The following LRRC7 variants were observed in gnomAD, a reference collection of about 807,000 sequenced individuals.
LRRC7 encodes the protein leucine rich repeat containing 7, also known as leucine-rich repeat-containing protein 7.
In LRRC7, 23 loss-of-function variants were observed where a neutral mutation model predicts 175.7. That is an observed-to-expected ratio of 0.13 (90% CI 0.09 to 0.19). LRRC7 has a LOEUF of 0.19. Among genes scored for constraint, LRRC7 ranks in the 10% least tolerant of loss-of-function variants. The probability of loss-of-function intolerance (pLI) is 1.00; values close to 1 mark genes in which losing one functional copy is unlikely to be tolerated. For missense variants in LRRC7, 1,354 were observed against 1,904.7 expected (o/e 0.71, Z 5.38); for synonymous variants, 685 against 680.9 (o/e 1.01, Z -0.09).
chr1:70,022,963 A>G (rs559313805), intron 16 of LRRC7, among the ~76,000 whole-genome samples, 163 bp from the exon 17 acceptor site: 53 of 152,192 alleles, frequency 3.5e-4, no homozygotes, highest in Non-Finnish European at 6.5e-4. Context: ...GCATCATATA[A>G]AATTAGTACT....
chr1:70,067,194 T>C (rs1044734209), intron 23 of LRRC7, among the ~76,000 whole-genome samples: 1 of 152,102 alleles, frequency 6.6e-6, no homozygotes, highest in Non-Finnish European at 1.5e-5. Flanking sequence ...CTATCCTCTA[T>C]CAGATACATG....
rs557843067 is a variant in LRRC7 at position 69,942,099 on chromosome 1, A to G, written c.711+10529A>G. Among the ~76,000 whole-genome samples the G allele has an allele frequency of 3.9e-5, 6 of 152,234 alleles. No individual in the cohort carries two copies. In the South Asian group the frequency reaches 1.2e-3, roughly 32 times the overall value. ...ATACATGCTCTGGCCCTGCACCTTC[A>G]TGTCCTGATGGTCAGGTGAGTGGGC... On this transcript the variant is annotated intron_variant, in intron 8 of 26. Coordinates refer to ENST00000651989, the MANE Select transcript of LRRC7 (RefSeq NM_001370785.2).
At chr1:69,579,187 G>A (rs920204336) in intron 1 of LRRC7, among the ~76,000 whole-genome samples, 1 of 151,922 alleles carries the variant, frequency 6.6e-6, no homozygotes, top group South Asian at 2.1e-4. Flanking sequence ...ATATTAAAAA[G>A]GGAGGTAACA....
At chr1:69,865,643 A>G (rs1010726678) in intron 7 of LRRC7, among the ~76,000 whole-genome samples, 2 of 150,572 alleles carry the variant, frequency 1.3e-5, no homozygotes, top group South Asian at 2.1e-4. Flanking sequence ...ACCATGCCCA[A>G]CTAATTTTTT....
rs1332026554 is a variant in LRRC7, at chr1:69,838,410, C to T, written c.647+127C>T. Reference sequence around the variant, plus strand: ...TTTATCTACACATTTTTCCTAAAGGCCAAAAAGTATGGTATACTGTAAAAG... The same window carrying T: ...TTTATCTACACATTTTTCCTAAAGGTCAAAAAGTATGGTATACTGTAAAAG... On this transcript the variant is annotated intron_variant, in intron 7 of 26. Coordinates refer to ENST00000651989, the MANE Select transcript of LRRC7 (RefSeq NM_001370785.2). 15 of 699,070 alleles carry T rather than the reference C, an allele frequency of 2.1e-5. No homozygotes were observed. In the East Asian group the frequency reaches 4.4e-4, roughly 20 times the overall value. The allele number at this position is 699,070 out of a possible 1,614,324, so 43.3% of individuals were successfully genotyped here. A position where few individuals can be genotyped will look rare whatever the true frequency, so the allele number is the denominator to read the frequency against.
chr1:70,078,230 T>G (rs632517), intron 24 of LRRC7, among the ~76,000 whole-genome samples: 139,300 of 152,188 alleles, frequency 0.92, 63,980 homozygotes, highest in African/African-American at 0.98. Context: ...AAAAGACTTT[T>G]GAGTGAAAGA....
chr1:69,933,084 T>C lies in LRRC7; in HGVS notation c.711+1514T>C, dbSNP rs952559893. The stretch of plus-strand genomic sequence containing the variant: ...ATGAGCAGTCCATCCCCAGTTTGTG[T>C]TGTGATGGGCCCTCACCAGCCATGA... On this transcript the variant is annotated intron_variant, in intron 8 of 26. Transcript: ENST00000651989. Among the ~76,000 whole-genome samples, 17 of 152,346 alleles carry C rather than the reference T, an allele frequency of 1.1e-4. No homozygotes were observed. In the East Asian group the frequency reaches 3.3e-3, roughly 29 times the overall value.
At position 69,934,579 on chromosome 1, in the gene LRRC7, A is replaced by T. The variant is rs186748017; in HGVS notation, c.711+3009A>T. 3.3e-3 allele frequency among the ~76,000 whole-genome samples: 495 copies of T among 151,382 alleles called. 1 individual carries two copies. Among genetic ancestry groups the T allele is most frequent in the African/African-American group, 0.011 (437 of 41,266 alleles). On this transcript the variant is annotated intron_variant, in intron 8 of 26. Coordinates refer to ENST00000651989, the MANE Select transcript of LRRC7 (RefSeq NM_001370785.2). ...ATAAGATGAATAAATGTTCATTTTT[A>T]AAAAAATAGAAAGTTAAAAAGTGAA...
chr1:70,007,066 A>G (rs1475212542), intron 11 of LRRC7, among the ~76,000 whole-genome samples: 3 of 152,094 alleles, frequency 2.0e-5, no homozygotes, highest in African/African-American at 7.2e-5. Flanking sequence ...GATGGATCAC[A>G]TCATTGCCCA....
rs1353956177 is a variant in LRRC7 at position 70,143,323 on chromosome 1, C to CAA, written c.*21438_*21439dup. The stretch of plus-strand genomic sequence containing the variant: ...AAGAACTTGAATTGGGATCTGATTT[C>CAA]AAAGAAATCCCATTATATTATCAAG... On this transcript the variant is annotated 3_prime_UTR_variant, in exon 27 of 27. Coordinates refer to ENST00000651989, the MANE Select transcript of LRRC7 (RefSeq NM_001370785.2). The CAA allele has an allele frequency of 1.3e-5, 2 of 151,654 alleles. No individual in the cohort carries two copies. The highest frequency in any genetic ancestry group is 1.3e-4 in the Admixed American group (2 of 15,190). The allele number at this position is 151,654 out of a possible 1,614,324, so 9.4% of individuals were successfully genotyped here.
chr1:69,631,725 G>A (rs1652532603), intron 1 of LRRC7, among the ~76,000 whole-genome samples: 1 of 152,078 alleles, frequency 6.6e-6, no homozygotes, highest in South Asian at 2.1e-4. Context: ...AGATAATAGT[G>A]AAGTGTTTAG....
chr1:69,944,022 T>C (rs1416329826), intron 8 of LRRC7, among the ~76,000 whole-genome samples: 1 of 151,286 alleles, frequency 6.6e-6, no homozygotes, highest in Non-Finnish European at 1.5e-5. Flanking sequence ...AATTTTTCAA[T>C]AGCCATTTCA....
intron 8 of LRRC7, among the ~76,000 whole-genome samples, chr1:69,979,328 A>C (rs1176874812): frequency 6.6e-6 from 1 of 152,220 alleles, no homozygotes; most frequent in Non-Finnish European, 1.5e-5. Flanking sequence ...GAGAAAAATT[A>C]GGCTACCGCT....
chr1:70,065,513 T>A (rs1273338679), intron 23 of LRRC7, among the ~76,000 whole-genome samples: 1 of 151,982 alleles, frequency 6.6e-6, no homozygotes, highest in Non-Finnish European at 1.5e-5. Flanking sequence ...GAATTATGGA[T>A]AAGCTAACTT....
intron 23 of LRRC7, among the ~76,000 whole-genome samples, chr1:70,074,601 G>A (rs950841864): frequency 2.6e-5 from 4 of 151,998 alleles, no homozygotes; most frequent in African/African-American, 9.7e-5. Context: ...GCCCTTTTTT[G>A]CATCTTTTCC....
intron 23 of LRRC7, among the ~76,000 whole-genome samples, chr1:70,067,961 T>C (rs566211057): frequency 6.6e-6 from 1 of 152,316 alleles, no homozygotes; most frequent in South Asian, 2.1e-4. Context: ...ATGTTTATCT[T>C]GTATCCCATG....
intron 1 of LRRC7, among the ~76,000 whole-genome samples, chr1:69,570,894 G>A (rs1645715133): frequency 6.6e-6 from 1 of 152,066 alleles, no homozygotes; most frequent in African/African-American, 2.4e-5. Flanking sequence ...AATGTCCTGA[G>A]GTCAGAATAT....
At chr1:69,944,086 A>G (rs763668525) in intron 8 of LRRC7, among the ~76,000 whole-genome samples, 4 of 151,876 alleles carry the variant, frequency 2.6e-5, no homozygotes, top group Non-Finnish European at 4.4e-5. Context: ...GAACTTTTCT[A>G]TCTTCCATAA....
At chr1:69,986,892 T>C (rs759213143) in intron 10 of LRRC7, among the ~76,000 whole-genome samples, 2 of 152,214 alleles carry the variant, frequency 1.3e-5, no homozygotes, top group African/African-American at 4.8e-5. Flanking sequence ...TTAAGATTCA[T>C]TAGATCAAAT....
Sources: gnomAD v4.1 joint callset for allele counts (sites outside exome capture counted in the v4.1 genomes callset) on GRCh38, gnomAD v4.1.1 for gene constraint, MANE v1.5 for transcripts, NCBI Gene and HGNC (gene_info 2026-07-23, HGNC 2026-07-21) for gene names.